Variants in ADGRL3 observed in about 807,000 individuals in gnomAD.
The protein encoded by ADGRL3 is calcium-independent alpha-latrotoxin receptor 3.
A neutral mutation model predicts 153.5 loss-of-function variants in ADGRL3; 62 were observed. The observed-to-expected ratio is 0.40, with a 90% CI of 0.33 to 0.50. The LOEUF (loss-of-function observed/expected upper bound fraction) is 0.50, where lower values mean the gene tolerates loss of function less well. ADGRL3 is among the 20% of genes least tolerant of loss of function. The pLI, the probability that ADGRL3 is intolerant of heterozygous loss-of-function variation, is 0.47. For synonymous variants in ADGRL3, 710 were observed against 672.5 expected (o/e 1.06, Z -0.86); for missense variants, 1,641 against 1,859.4 (o/e 0.88, Z 2.16).
chr4:61,381,335 T>TGTGTGTGTGTGTG (rs2096666189), intron 1 of ADGRL3, among the ~76,000 whole-genome samples: 1 of 75,942 alleles, frequency 1.3e-5, no homozygotes, highest in African/African-American at 5.3e-5. Context: ...GTGTGTGTGT[T>TGTGTGTGTGTGTG]TAATTAAGAA....
At chr4:61,889,367 G>T (rs1046297530) in intron 9 of ADGRL3, among the ~76,000 whole-genome samples, 3 of 152,178 alleles carry the variant, frequency 2.0e-5, no homozygotes, top group Admixed American at 1.3e-4. Context: ...ATTTTCTATG[G>T]TTTAAAGAAT....
intron 4 of ADGRL3, among the ~76,000 whole-genome samples, chr4:61,556,369 T>G (rs2098766883): frequency 6.6e-6 from 1 of 151,996 alleles, no homozygotes; most frequent in Non-Finnish European, 1.5e-5. Context: ...GACAGGAGTT[T>G]GAGGAACAGC....
intron 6 of ADGRL3, among the ~76,000 whole-genome samples, chr4:61,712,763 G>T (rs2096021629): frequency 6.6e-6 from 1 of 152,088 alleles, no homozygotes. Flanking sequence ...TCAAAAGATG[G>T]CTTCCATCTG....
intron 21 of ADGRL3, among the ~76,000 whole-genome samples, chr4:62,018,506 A>T (rs2151344936): frequency 6.6e-6 from 1 of 152,264 alleles, no homozygotes; most frequent in Admixed American, 6.5e-5. Flanking sequence ...TATTAATGAA[A>T]GTCTGTGCAA....
chr4:61,484,647 C>A (rs1465954208), intron 2 of ADGRL3, among the ~76,000 whole-genome samples: 14 of 151,874 alleles, frequency 9.2e-5, no homozygotes, highest in African/African-American at 3.4e-4. Context: ...TATTAAGAAC[C>A]CTTCAAAAAA....
chr4:61,827,047 A>G (rs1266668026), intron 9 of ADGRL3, among the ~76,000 whole-genome samples: 1 of 152,166 alleles, frequency 6.6e-6, no homozygotes, highest in Non-Finnish European at 1.5e-5. Flanking sequence ...TTCTGATCAG[A>G]TGTAGCAGAA....
At chr4:61,686,852 T>G (rs1443928876) in intron 6 of ADGRL3, among the ~76,000 whole-genome samples, 5 of 152,062 alleles carry the variant, frequency 3.3e-5, no homozygotes, top group Non-Finnish European at 7.4e-5. Flanking sequence ...CTTACCTCTA[T>G]GAAATCAACA....
At chr4:61,687,849 G>A (rs1474767162) in intron 6 of ADGRL3, among the ~76,000 whole-genome samples, 2 of 151,878 alleles carry the variant, frequency 1.3e-5, no homozygotes, top group African/African-American at 4.8e-5. Context: ...TGTAAAATTT[G>A]AATTAAATAC....
At chr4:62,015,846 T>C (rs1581896286) in intron 21 of ADGRL3, among the ~76,000 whole-genome samples, 1 of 152,132 alleles carries the variant, frequency 6.6e-6, no homozygotes, top group East Asian at 1.9e-4. Context: ...ACAAATATCT[T>C]CTTCAAGTCT....
chr4:61,843,530 C>T (rs1317863316), intron 9 of ADGRL3, among the ~76,000 whole-genome samples: 1 of 152,014 alleles, frequency 6.6e-6, no homozygotes. Flanking sequence ...TTGTGGATCA[C>T]AAAGTAGACT....
intron 8 of ADGRL3, among the ~76,000 whole-genome samples, chr4:61,812,251 C>T (rs565327611): frequency 6.6e-6 from 1 of 152,178 alleles, no homozygotes; most frequent in Middle Eastern, 3.4e-3. Flanking sequence ...AGTGAATGTG[C>T]AATATTCTTA....
At chr4:61,551,875 T>C (rs2098741886) in intron 4 of ADGRL3, among the ~76,000 whole-genome samples, 1 of 152,196 alleles carries the variant, frequency 6.6e-6, no homozygotes, top group Non-Finnish European at 1.5e-5. Context: ...TAAATGGCAC[T>C]GTATGTTTAT....
chr4:61,235,482 T>C (rs1221615640), intron 1 of ADGRL3, among the ~76,000 whole-genome samples: 2 of 152,166 alleles, frequency 1.3e-5, no homozygotes, highest in Non-Finnish European at 2.9e-5. Flanking sequence ...AAGTGTTGCT[T>C]ACAGAAGTGA....
chr4:61,671,754 G>A (rs867858996), intron 5 of ADGRL3, among the ~76,000 whole-genome samples: 32 of 152,138 alleles, frequency 2.1e-4, no homozygotes, highest in African/African-American at 6.5e-4. Context: ...CTTGAGAACC[G>A]ATCAGGTCAG....
chr4:61,240,766 A>AT (rs1308435904), intron 1 of ADGRL3, among the ~76,000 whole-genome samples: 6 of 152,024 alleles, frequency 3.9e-5, no homozygotes, highest in African/African-American at 1.2e-4. Context: ...ACAAGATGTA[A>AT]TTTTTTGTTT....
chr4:61,553,727 G>T (rs1367959061), intron 4 of ADGRL3, among the ~76,000 whole-genome samples: 2 of 151,792 alleles, frequency 1.3e-5, no homozygotes, highest in African/African-American at 4.8e-5. Context: ...TAAATGTCTT[G>T]CCCAGTGGGA....
At chr4:61,265,788 T>C (rs1435631869) in intron 1 of ADGRL3, among the ~76,000 whole-genome samples, 1 of 151,892 alleles carries the variant, frequency 6.6e-6, no homozygotes, top group African/African-American at 2.4e-5. Flanking sequence ...CACAGTAAGA[T>C]AATGTGAAGA....
chr4:61,645,269 C>G (rs1239195266), intron 5 of ADGRL3, among the ~76,000 whole-genome samples: 1 of 152,020 alleles, frequency 6.6e-6, no homozygotes, highest in Non-Finnish European at 1.5e-5. Context: ...TTAATTGGAG[C>G]ATTTAGTCTA....
chr4:61,983,322 G>A, intron 18 of ADGRL3, 61 bp from the exon 19 acceptor site: 1 of 1,280,584 alleles, frequency 7.8e-7, no homozygotes. Flanking sequence ...TTGGTTTTAT[G>A]GCAGTTGACT....
Sources: allele counts gnomAD v4.1 joint callset (sites outside exome capture counted in the v4.1 genomes callset), GRCh38; gene constraint gnomAD v4.1.1; transcripts MANE v1.5; gene names NCBI Gene and HGNC (gene_info 2026-07-23, HGNC 2026-07-21).